TENT2: variants seen among roughly 807,000 people sequenced by gnomAD.
TENT2 encodes poly(A) RNA polymerase GLD2.
A neutral mutation model predicts 72.2 loss-of-function variants in TENT2; 44 were observed. That is an observed-to-expected ratio of 0.61 (90% CI 0.48 to 0.78). The LOEUF is 0.78. Ranked by LOEUF, TENT2 falls within the 30% of genes least tolerant of loss-of-function variation. The pLI, the probability that TENT2 is intolerant of heterozygous loss-of-function variation, is 0.00. For synonymous variants in TENT2, 212 were observed against 192.5 expected (o/e 1.10, Z -0.84); for missense variants, 541 against 569.6 (o/e 0.95, Z 0.51).
chr5:79,673,220 A>G (rs1012831748), intron 12 of TENT2, among the ~76,000 whole-genome samples: 3 of 152,122 alleles, frequency 2.0e-5, no homozygotes, highest in Admixed American at 6.5e-5. Flanking sequence ...GTAGTTTGCA[A>G]ATATTTTCTC....
At chr5:79,619,339 T>G (rs1762928569) in intron 1 of TENT2, among the ~76,000 whole-genome samples, 1 of 152,196 alleles carries the variant, frequency 6.6e-6, no homozygotes, top group Non-Finnish European at 1.5e-5. Flanking sequence ...CTAAAAGATT[T>G]GTTGATACGA....
intron 12 of TENT2, among the ~76,000 whole-genome samples, chr5:79,675,999 C>G (rs1030509971): frequency 6.6e-6 from 1 of 151,730 alleles, no homozygotes; most frequent in Non-Finnish European, 1.5e-5. Flanking sequence ...CAAAACAGAA[C>G]TCTAGGATTA....
chr5:79,634,331 T>TTTTA (rs902040046), intron 4 of TENT2, among the ~76,000 whole-genome samples: 1 of 151,978 alleles, frequency 6.6e-6, no homozygotes, highest in Non-Finnish European at 1.5e-5. Flanking sequence ...AAATATTTAT[T>TTTTA]TTTATTTATT....
At chr5:79,640,388 G>A (rs1413526248) in intron 4 of TENT2, among the ~76,000 whole-genome samples, 1 of 152,080 alleles carries the variant, frequency 6.6e-6, no homozygotes, top group African/African-American at 2.4e-5. Context: ...CTTATATTTG[G>A]TATTTGTGGG....
At chr5:79,674,464 A>G (rs889279421) in intron 12 of TENT2, among the ~76,000 whole-genome samples, 36 of 152,346 alleles carry the variant, frequency 2.4e-4, no homozygotes. Flanking sequence ...GAACAGTCAT[A>G]TACAATGCAT....
At chr5:79,625,020 A>G (rs1768317635) in intron 4 of TENT2, among the ~76,000 whole-genome samples, 1 of 152,228 alleles carries the variant, frequency 6.6e-6, no homozygotes, top group African/African-American at 2.4e-5. Context: ...AACAGCGTAT[A>G]GGTTGCACTT....
chr5:79,629,393 C>T (rs1228975617), intron 4 of TENT2, among the ~76,000 whole-genome samples: 1 of 152,196 alleles, frequency 6.6e-6, no homozygotes, highest in Non-Finnish European at 1.5e-5. Context: ...AGTTGAAACA[C>T]CCTAGAGTAG....
intron 8 of TENT2, among the ~76,000 whole-genome samples, chr5:79,648,031 G>C (rs992170085): frequency 7.9e-5 from 12 of 152,076 alleles, no homozygotes; most frequent in Non-Finnish European, 1.8e-4. Flanking sequence ...TATTCCTGTT[G>C]TTTTAAAGTA....
intron 4 of TENT2, among the ~76,000 whole-genome samples, chr5:79,633,928 C>T (rs1355092628): frequency 6.9e-6 from 1 of 144,054 alleles, no homozygotes; most frequent in East Asian, 2.1e-4. Flanking sequence ...CCGAGGCGGG[C>T]AGATCACGAG....
intron 4 of TENT2, among the ~76,000 whole-genome samples, chr5:79,633,029 CA>C (rs1040796385): frequency 6.6e-6 from 1 of 152,136 alleles, no homozygotes; most frequent in Admixed American, 6.6e-5. Flanking sequence ...TGTCCTTACA[CA>C]AAAACATAGT....
chr5:79,666,424 G>A (rs1342646779), intron 11 of TENT2, among the ~76,000 whole-genome samples: 1 of 150,456 alleles, frequency 6.6e-6, no homozygotes, highest in Non-Finnish European at 1.5e-5. Flanking sequence ...GTGCAGTGGT[G>A]CAATGATGAG....
chr5:79,614,983 C>T (rs923098195), intron 1 of TENT2: 1 of 152,182 alleles, frequency 6.6e-6, no homozygotes, highest in Non-Finnish European at 1.5e-5. Context: ...GAATGATTTT[C>T]CTCTACTTGA....
intron 12 of TENT2, among the ~76,000 whole-genome samples, chr5:79,678,395 C>T (rs1818978936): frequency 6.6e-6 from 1 of 152,010 alleles, no homozygotes; most frequent in African/African-American, 2.4e-5. Flanking sequence ...TCTTTCTCTG[C>T]TTGCTTAAAT....
chr5:79,616,783 C>G (rs548695967), intron 1 of TENT2, among the ~76,000 whole-genome samples: 3 of 152,268 alleles, frequency 2.0e-5, no homozygotes, highest in South Asian at 2.1e-4. Context: ...AGAAAGTTGA[C>G]AGACTCTTGT....
intron 7 of TENT2, among the ~76,000 whole-genome samples, chr5:79,643,775 T>G (rs897011176): frequency 1.3e-5 from 2 of 152,298 alleles, no homozygotes; most frequent in East Asian, 3.9e-4. Flanking sequence ...GGAAGGGCCC[T>G]TAAAGATCAT....
intron 11 of TENT2, among the ~76,000 whole-genome samples, chr5:79,665,194 A>G (rs1025998566): frequency 6.6e-6 from 1 of 152,134 alleles, no homozygotes; most frequent in Non-Finnish European, 1.5e-5. Context: ...TTTTCCTTGT[A>G]ACCTTCTTTA....
intron 4 of TENT2, among the ~76,000 whole-genome samples, chr5:79,627,151 A>T (rs964621475): frequency 6.7e-6 from 1 of 148,996 alleles, no homozygotes. Flanking sequence ...AAAATCTTTT[A>T]CTGTTTTTTT....
chr5:79,661,760 G>GT (rs1803081730), intron 11 of TENT2, among the ~76,000 whole-genome samples: 1 of 152,202 alleles, frequency 6.6e-6, no homozygotes, highest in South Asian at 2.1e-4. Context: ...GAAGGTTGGG[G>GT]TGGCTGTGGC....
intron 4 of TENT2, chr5:79,623,767 C>A: frequency 4.3e-6 from 1 of 230,980 alleles, no homozygotes. Flanking sequence ...TGTCTTGTTA[C>A]TTGTTTTTAC....
Sources: allele counts gnomAD v4.1 joint callset (sites outside exome capture counted in the v4.1 genomes callset), GRCh38; gene constraint gnomAD v4.1.1; transcripts MANE v1.5; gene names NCBI Gene and HGNC (gene_info 2026-07-23, HGNC 2026-07-21).